PLEKHF2: variants seen among roughly 807,000 people sequenced by gnomAD.
PLEKHF2 encodes the protein pleckstrin homology domain-containing family F member 2.
A neutral mutation model predicts 14.7 loss-of-function variants in PLEKHF2; 4 were observed. The observed-to-expected ratio is 0.27, with a 90% CI of 0.13 to 0.62. The LOEUF (loss-of-function observed/expected upper bound fraction) is 0.62, where lower values mean the gene tolerates loss of function less well. PLEKHF2 is among the 20% of genes least tolerant of loss of function. The probability of loss-of-function intolerance (pLI) is 0.85; values close to 1 mark genes in which losing one functional copy is unlikely to be tolerated. For synonymous variants in PLEKHF2, 90 were observed against 103.5 expected, an observed-to-expected ratio of 0.87 and a Z score of 0.79; for missense variants, 201 against 307.7, an observed-to-expected ratio of 0.65 and a Z score of 2.60.
chr8:95,143,185 C>T (rs538946103), intron 1 of PLEKHF2, among the ~76,000 whole-genome samples: 9 of 151,530 alleles, frequency 5.9e-5, no homozygotes, highest in Non-Finnish European at 1.2e-4. Context: ...CTGCAAGCTC[C>T]GCCTCCTGGG....
At chr8:95,142,510 C>T (rs1046153698) in intron 1 of PLEKHF2, among the ~76,000 whole-genome samples, 5 of 152,178 alleles carry the variant, frequency 3.3e-5, no homozygotes, top group Admixed American at 3.3e-4. Flanking sequence ...CTGCCACGGC[C>T]TCCCAAAGTG....
Position 95,155,917 on chromosome 8 carries a change from G to A in PLEKHF2, c.*1123G>A, listed in dbSNP as rs1810613877. On this transcript the variant is annotated 3_prime_UTR_variant, in exon 2 of 2. Transcript: ENST00000315367. ...ATAGTGTTATATTTTATAAAGTTTT[G>A]TAAAATCCCAAACAATATTTCTATT... 1.2e-5 allele frequency: 2 copies of A among 166,952 alleles called. No homozygotes were observed. Among genetic ancestry groups the A allele is most frequent in the Admixed American group, 6.5e-5 (1 of 15,278 alleles). The allele number at this position is 166,952 out of a possible 1,614,324, so 10.3% of individuals were successfully genotyped here.
Position 95,154,220 on chromosome 8 carries a change from A to C in PLEKHF2, c.176A>C (p.Asn59Thr). Residue 59 changes from asparagine (N) to threonine (T), a missense_variant, in exon 2 of 2, where the codon AAT becomes ACT. By Grantham distance (65) the Asn-to-Thr change is moderately conservative. Transcript: ENST00000315367. The surrounding 1 kb of genome is among the most constrained non-coding windows in gnomAD (Gnocchi z 5.6). ...AAAGCAAGGCAGTTTTTCTTGTTTAATGATATTCTTGTATATGGCAATATT... is the reference window on the plus strand; with the variant it reads ...AAAGCAAGGCAGTTTTTCTTGTTTACTGATATTCTTGTATATGGCAATATT... The part of the protein sequence containing the change: ...KPKARQFFLF[N>T]DILVYGNIVI... 6.2e-7 allele frequency: 1 copy of C among 1,613,966 alleles called. No homozygotes were observed. The highest frequency in any genetic ancestry group is 8.5e-7 in the Non-Finnish European group (1 of 1,179,934).
chr8:95,140,045 G>A (rs1331944807), intron 1 of PLEKHF2, among the ~76,000 whole-genome samples: 1 of 152,122 alleles, frequency 6.6e-6, no homozygotes, highest in Middle Eastern at 3.2e-3. Flanking sequence ...CTAGGTGGGT[G>A]ACTACCAAAT....
At chr8:95,141,746 G>T (rs1810443255) in intron 1 of PLEKHF2, among the ~76,000 whole-genome samples, 1 of 150,878 alleles carries the variant, frequency 6.6e-6, no homozygotes, top group Non-Finnish European at 1.5e-5. Flanking sequence ...TTCACTGTTG[G>T]CCAGGCTGGT....
rs1348048209 is a variant in PLEKHF2 at position 95,155,565 on chromosome 8, G to A, written c.*771G>A. 1 of 166,930 alleles carries A rather than the reference G, an allele frequency of 6.0e-6. No individual in the cohort carries two copies. Among genetic ancestry groups the A allele is most frequent in the Non-Finnish European group, 1.5e-5 (1 of 68,074 alleles). The allele number at this position is 166,930 out of a possible 1,614,324, so 10.3% of individuals were successfully genotyped here. A position where few individuals can be genotyped will look rare whatever the true frequency, so the allele number is the denominator to read the frequency against. On this transcript the variant is annotated 3_prime_UTR_variant, in exon 2 of 2. Transcript: ENST00000315367. ...TATATATTTTAAATTAATAAAAGTT[G>A]TCATTCTTAGGAATTTGGTTTGAAA...
At chr8:95,142,804 A>G (rs1474893493) in intron 1 of PLEKHF2, among the ~76,000 whole-genome samples, 1 of 152,202 alleles carries the variant, frequency 6.6e-6, no homozygotes, top group African/African-American at 2.4e-5. Context: ...AATACTTAGA[A>G]TTTTTAATTA....
At chr8:95,150,540 C>T (rs1587309458) in intron 1 of PLEKHF2, among the ~76,000 whole-genome samples, 2 of 152,136 alleles carry the variant, frequency 1.3e-5, no homozygotes, top group Non-Finnish European at 2.9e-5. Flanking sequence ...TGCTTTGCTG[C>T]AGCCAAATAC....
intron 1 of PLEKHF2, among the ~76,000 whole-genome samples, chr8:95,153,073 C>G (rs1810579588): frequency 6.6e-6 from 1 of 152,064 alleles, no homozygotes; most frequent in African/African-American, 2.4e-5. Flanking sequence ...CTGTGTCAAA[C>G]CGTATCAGTT....
intron 1 of PLEKHF2, 126 bp from the exon 2 acceptor site, chr8:95,153,901 TAGAG>T (rs1222334568): frequency 1.5e-6 from 1 of 664,022 alleles, no homozygotes. Flanking sequence ...GTGATTATCT[TAGAG>T]GGAAAGAATT....
chr8:95,146,572 A>G (rs1018613748), intron 1 of PLEKHF2, among the ~76,000 whole-genome samples: 42 of 151,362 alleles, frequency 2.8e-4, no homozygotes, highest in African/African-American at 9.7e-4. Context: ...CAGGTGGTAG[A>G]CACCCCACTG....
At chr8:95,136,028 C>T (rs1249319772) in intron 1 of PLEKHF2, among the ~76,000 whole-genome samples, 1 of 152,096 alleles carries the variant, frequency 6.6e-6, no homozygotes, top group African/African-American at 2.4e-5. Context: ...CTCCAGAAAT[C>T]AATTAATTTC....
At position 95,133,936 on chromosome 8, in the gene PLEKHF2, C is replaced by G. The variant is rs1481892470; in HGVS notation, c.-109C>G. 1.3e-5 allele frequency: 2 copies of G among 151,534 alleles called. No individual in the cohort carries two copies. Among genetic ancestry groups the G allele is most frequent in the Non-Finnish European group, 2.9e-5 (2 of 67,886 alleles). The allele number at this position is 151,534 out of a possible 1,614,324, so 9.4% of individuals were successfully genotyped here. A position where few individuals can be genotyped will look rare whatever the true frequency, so the allele number is the denominator to read the frequency against. The stretch of plus-strand genomic sequence containing the variant: ...CAGCACACACCCTGGAAGGCCCCGG[C>G]GGGGAACGGGCAGAGTCCGCGCCCT... On this transcript the variant is annotated 5_prime_UTR_variant, in exon 1 of 2. Coordinates refer to ENST00000315367, the MANE Select transcript of PLEKHF2 (RefSeq NM_024613.4).
In PLEKHF2 at chr8:95,155,656, G is replaced by A. The variant is rs996771459; in HGVS notation, c.*862G>A. 5.4e-5 allele frequency: 9 copies of A among 166,994 alleles called. No homozygotes were observed. Among genetic ancestry groups the A allele is most frequent in the African/African-American group, 2.2e-4 (9 of 41,516 alleles). 10.3% of individuals were successfully genotyped at this position (166,994 alleles called of 1,614,324 possible). On this transcript the variant is annotated 3_prime_UTR_variant, in exon 2 of 2. Coordinates refer to ENST00000315367, the MANE Select transcript of PLEKHF2 (RefSeq NM_024613.4). ...ACCTTTAGTAAGACATATTTTTTAG[G>A]TATAAATTCTTATGCTTTAACATTA...
intron 1 of PLEKHF2, among the ~76,000 whole-genome samples, chr8:95,140,265 C>G (rs1460313590): frequency 6.6e-6 from 1 of 152,192 alleles, no homozygotes; most frequent in Admixed American, 6.5e-5. Flanking sequence ...CAGTTATTTC[C>G]TAAATCCTAT....
chr8:95,156,426 T>A lies in PLEKHF2; in HGVS notation c.*1632T>A, dbSNP rs191520655. ...AAAGAAAAGCACAACAAAACTAGGG[T>A]TTTTTGTTCATTTGCTTGCTTTTAT... On this transcript the variant is annotated 3_prime_UTR_variant, in exon 2 of 2. Transcript: ENST00000315367. 7.3e-4 allele frequency: 122 copies of A among 167,030 alleles called. No homozygotes were observed. Among genetic ancestry groups the A allele is most frequent in the Admixed American group, 3.2e-3 (49 of 15,276 alleles). The allele number at this position is 167,030 out of a possible 1,614,324, so 10.3% of individuals were successfully genotyped here.
chr8:95,137,180 G>A (rs954724131), intron 1 of PLEKHF2, among the ~76,000 whole-genome samples: 2 of 152,214 alleles, frequency 1.3e-5, no homozygotes, highest in African/African-American at 4.8e-5. Flanking sequence ...ACTCATTTGT[G>A]AAATGGGCAC....
intron 1 of PLEKHF2, among the ~76,000 whole-genome samples, chr8:95,148,296 C>T (rs1810523107): frequency 6.6e-6 from 1 of 151,830 alleles, no homozygotes; most frequent in South Asian, 2.1e-4. Flanking sequence ...CCCAGATAGT[C>T]AATTGAGGTG....
At position 95,148,078 on chromosome 8, in the gene PLEKHF2, G is replaced by A. The variant is rs546915916; in HGVS notation, c.-14-5953G>A. Among the ~76,000 whole-genome samples, 22 of 151,720 alleles carry A rather than the reference G, an allele frequency of 1.5e-4. No homozygotes were observed. In the South Asian group the frequency reaches 4.6e-3, roughly 32 times the overall value. The stretch of plus-strand genomic sequence containing the variant: ...AGGACAAAAAATGGAAATAATACAC[G>A]TTCATGCATTCAAAGTTTCATTCAA... On this transcript the variant is annotated intron_variant, in intron 1 of 1. Coordinates refer to ENST00000315367, the MANE Select transcript of PLEKHF2 (RefSeq NM_024613.4).
Sources: gnomAD v4.1 joint callset for allele counts (sites outside exome capture counted in the v4.1 genomes callset) on GRCh38, gnomAD v4.1.1 for gene constraint, Gnocchi (gnomAD v3.1) non-coding constraint, MANE v1.5 for transcripts, NCBI Gene and HGNC (gene_info 2026-07-23, HGNC 2026-07-21) for gene names.